The following SIPA1L2 variants were observed in gnomAD, a reference collection of about 807,000 sequenced individuals.
SIPA1L2 encodes the protein signal induced proliferation associated 1 like 2.
SIPA1L2 carries 56 observed loss-of-function variants against 163.9 expected under a neutral mutation model. That is an observed-to-expected ratio of 0.34 (90% CI 0.28 to 0.43). SIPA1L2 has a LOEUF of 0.43. Ranked by LOEUF, SIPA1L2 falls within the 20% of genes least tolerant of loss-of-function variation. SIPA1L2 has a pLI of 1.00. For synonymous variants in SIPA1L2, 877 were observed against 865.7 expected (o/e 1.01, Z -0.23); for missense variants, 1,974 against 2,193.5 (o/e 0.90, Z 2.00).
intron 4 of SIPA1L2, among the ~76,000 whole-genome samples, chr1:232,491,574 AT>A (rs1665931622): frequency 6.6e-6 from 1 of 152,158 alleles, no homozygotes; most frequent in African/African-American, 2.4e-5. Flanking sequence ...GGGCAGGGTG[AT>A]TCAGGGCTGA....
rs551207536 is a variant in SIPA1L2 at position 232,585,420 on chromosome 1, A to T, written c.-318-11198T>A. 3.3e-5 allele frequency among the ~76,000 whole-genome samples: 5 copies of T among 152,330 alleles called. No homozygotes were observed. In the East Asian group the frequency reaches 9.6e-4, roughly 29 times the overall value. On this transcript the variant is annotated intron_variant, in intron 1 of 22. Transcript: ENST00000674635. ...CACAGAACAATTCAGACCTCATTAT[A>T]TAAGCACAGATGAAGACCTACAGTG...
At chr1:232,519,713 CAAACGTGCTATGAAACG>C (rs1667377968) in intron 2 of SIPA1L2, among the ~76,000 whole-genome samples, 2 of 152,118 alleles carry the variant, frequency 1.3e-5, no homozygotes, top group Non-Finnish European at 2.9e-5. Flanking sequence ...CCTTAGAAAG[CAAACGTGCTATGAAACG>C]AAATATTAAA....
intron 18 of SIPA1L2, among the ~76,000 whole-genome samples, chr1:232,425,236 C>T (rs1471166049): frequency 1.3e-5 from 2 of 152,088 alleles, no homozygotes; most frequent in South Asian, 2.1e-4. Flanking sequence ...CACTGGAAAA[C>T]CCACTCCTTA....
intron 16 of SIPA1L2, among the ~76,000 whole-genome samples, chr1:232,431,011 C>T (rs529499031): frequency 1.3e-5 from 2 of 152,322 alleles, no homozygotes; most frequent in South Asian, 4.1e-4. Context: ...GCCATCAAAC[C>T]AGTGCGTGGA....
chr1:232,568,556 G>A (rs1287869597), intron 2 of SIPA1L2, among the ~76,000 whole-genome samples: 1 of 152,142 alleles, frequency 6.6e-6, no homozygotes, highest in East Asian at 1.9e-4. Flanking sequence ...GAAAAAAAGA[G>A]TGTTCCAAGC....
chr1:232,598,039 T>C (rs2102846403), intron 1 of SIPA1L2, among the ~76,000 whole-genome samples: 1 of 152,328 alleles, frequency 6.6e-6, no homozygotes, highest in South Asian at 2.1e-4. Context: ...AGCCTGGCCA[T>C]GATCTCTTAA....
intron 1 of SIPA1L2, among the ~76,000 whole-genome samples, chr1:232,628,895 C>T (rs890135421): frequency 2.6e-5 from 4 of 151,786 alleles, no homozygotes; most frequent in Non-Finnish European, 5.9e-5. Flanking sequence ...ATGAGAATCA[C>T]CAAGATTCTT....
intron 1 of SIPA1L2, among the ~76,000 whole-genome samples, chr1:232,609,212 C>T (rs894360889): frequency 6.6e-6 from 1 of 152,054 alleles, no homozygotes; most frequent in Non-Finnish European, 1.5e-5. Context: ...AACTTTAATA[C>T]AAAAGTATAC....
chr1:232,443,550 C>T (rs1038935397), intron 12 of SIPA1L2, 52 bp downstream of exon 12: 2 of 1,425,562 alleles, frequency 1.4e-6, no homozygotes, highest in Non-Finnish European at 1.9e-6. Flanking sequence ...TTCAATGAGT[C>T]ACAGAAAACA....
At chr1:232,461,767 A>G (rs940594053) in intron 9 of SIPA1L2, among the ~76,000 whole-genome samples, 3 of 152,068 alleles carry the variant, frequency 2.0e-5, no homozygotes, top group African/African-American at 7.2e-5. Context: ...CTTTAGGAAA[A>G]CTCTAAATGT....
chr1:232,468,279 T>C (rs1444902260), intron 8 of SIPA1L2, among the ~76,000 whole-genome samples: 2 of 152,202 alleles, frequency 1.3e-5, no homozygotes, highest in Non-Finnish European at 2.9e-5. Flanking sequence ...TTAGGGGCCT[T>C]AGATATTTAA....
chr1:232,427,282 C>T (rs916736367), intron 17 of SIPA1L2, among the ~76,000 whole-genome samples: 1 of 152,192 alleles, frequency 6.6e-6, no homozygotes, highest in Non-Finnish European at 1.5e-5. Flanking sequence ...ACACCACCAG[C>T]AGGTTCTTCA....
intron 1 of SIPA1L2, among the ~76,000 whole-genome samples, chr1:232,613,477 G>T (rs904119598): frequency 6.6e-6 from 1 of 152,180 alleles, no homozygotes; most frequent in Non-Finnish European, 1.5e-5. Flanking sequence ...GGAGTCAAGG[G>T]AACCTTCTCC....
rs188175136 is a variant in SIPA1L2, at chr1:232,607,434, A to C, written c.-319+22435T>G. Among the ~76,000 whole-genome samples the C allele has an allele frequency of 1.1e-4, 16 of 152,318 alleles. No homozygotes were observed. In the East Asian group the frequency reaches 3.1e-3, roughly 29 times the overall value. ...TTTTTCCAATTTTTAATGTAATAAC[A>C]AATATTACATTGGGTATCCTTATAC... On this transcript the variant is annotated intron_variant, in intron 1 of 22. Coordinates refer to ENST00000674635, the MANE Select transcript of SIPA1L2 (RefSeq NM_020808.5).
intron 5 of SIPA1L2, among the ~76,000 whole-genome samples, chr1:232,487,543 A>G (rs1327796878): frequency 6.6e-6 from 1 of 152,198 alleles, no homozygotes; most frequent in African/African-American, 2.4e-5. Flanking sequence ...GTGAGCTGTC[A>G]TAATTCGTCT....
chr1:232,513,941 T>C lies in SIPA1L2; in HGVS notation c.1399A>G (p.Ile467Val). ...VLEVPRENQP[I>V]HREKVKRYII... ...TAGCGCTTCACTTTCTCCCTGTGAA[T>C]AGGCTGGTTTTCTCTGGGCACTTCC... Residue 467 changes from isoleucine (I) to valine (V), a missense_variant, in exon 3 of 23, where the codon ATT (isoleucine) becomes GTT (valine). Ile to Val is a conservative substitution (Grantham distance 29). This residue lies in a region of SIPA1L2 where 607 missense variants were observed against 624.0 expected (regional missense o/e 0.97). Coordinates refer to ENST00000674635, the MANE Select transcript of SIPA1L2 (RefSeq NM_020808.5). The C allele has an allele frequency of 6.2e-7, 1 of 1,614,150 alleles. No individual in the cohort carries two copies. The highest frequency in any genetic ancestry group is 8.5e-7 in the Non-Finnish European group (1 of 1,180,020).
At chr1:232,586,029 C>T (rs1222159993) in intron 1 of SIPA1L2, among the ~76,000 whole-genome samples, 1 of 152,000 alleles carries the variant, frequency 6.6e-6, no homozygotes, top group African/African-American at 2.4e-5. Context: ...AACAAAAGGC[C>T]AACACAAAAA....
At chr1:232,401,127 C>T (rs555113951) in intron 22 of SIPA1L2, among the ~76,000 whole-genome samples, 6 of 152,118 alleles carry the variant, frequency 3.9e-5, no homozygotes, top group South Asian at 2.1e-4. Context: ...CTCTCTCTCT[C>T]GTCTTGATTT....
At chr1:232,608,047 C>CAAAAAAGAAAAA (rs1662039571) in intron 1 of SIPA1L2, among the ~76,000 whole-genome samples, 1 of 67,496 alleles carries the variant, frequency 1.5e-5, no homozygotes, top group African/African-American at 6.8e-5. Context: ...AACTCCATCT[C>CAAAAAAGAAAAA]AAAAAAAAAA....
Sources: gnomAD v4.1 joint callset for allele counts (sites outside exome capture counted in the v4.1 genomes callset) on GRCh38, gnomAD v4.1.1 for gene constraint, gnomAD v4.1.1 regional missense constraint, MANE v1.5 for transcripts, NCBI Gene and HGNC (gene_info 2026-07-23, HGNC 2026-07-21) for gene names.